SORCS3: variants seen among roughly 807,000 people sequenced by gnomAD.
SORCS3 encodes the protein sortilin related VPS10 domain containing receptor 3, also known as VPS10 domain-containing receptor SorCS3.
A neutral mutation model predicts 146.3 loss-of-function variants in SORCS3; 57 were observed. The observed-to-expected ratio is 0.39, with a 90% confidence interval of 0.31 to 0.49. The LOEUF (loss-of-function observed/expected upper bound fraction) is 0.49. SORCS3 is among the 20% of genes least tolerant of loss of function. The pLI, the probability that SORCS3 is intolerant of heterozygous loss-of-function variation, is 0.92. For missense variants in SORCS3, 1,341 were observed against 1,575.5 expected, an observed-to-expected ratio of 0.85 and a Z score of 2.52; for synonymous variants, 653 against 618.5, an observed-to-expected ratio of 1.06 and a Z score of -0.83.
chr10:105,186,655 G>C (rs1210699381), intron 14 of SORCS3, among the ~76,000 whole-genome samples: 1 of 151,998 alleles, frequency 6.6e-6, no homozygotes, highest in African/African-American at 2.4e-5. Context: ...GGCTGAGGTG[G>C]GCAGATCACC....
chr10:105,023,886 G>A (rs568360950), intron 4 of SORCS3, among the ~76,000 whole-genome samples: 1 of 152,148 alleles, frequency 6.6e-6, no homozygotes, highest in Non-Finnish European at 1.5e-5. Context: ...GGGATAGGAT[G>A]GTGGGGAGAC....
Position 105,075,305 on chromosome 10 carries a change from G to A in SORCS3, c.1029-14470G>A, listed in dbSNP as rs191887387. Among the ~76,000 whole-genome samples the A allele has an allele frequency of 4.6e-5, 7 of 152,302 alleles. No individual in the cohort carries two copies. The East Asian group carries it at 9.7e-4, about 21-fold the overall frequency. On this transcript the variant is annotated intron_variant, in intron 5 of 26. Transcript: ENST00000369701. ...GATCTTAAGTGACTCAGCTTTCTGA[G>A]TTTGCTCATCTGTGGAATGGGAGCA... is the stretch of plus-strand genomic sequence containing the variant.
chr10:105,249,053 T>C (rs945737340), intron 22 of SORCS3, among the ~76,000 whole-genome samples: 4 of 152,010 alleles, frequency 2.6e-5, no homozygotes, highest in Non-Finnish European at 2.9e-5. Flanking sequence ...TATAAGGTGC[T>C]CAAGAAAAAG....
chr10:104,799,175 C>G (rs536684341), intron 1 of SORCS3, among the ~76,000 whole-genome samples: 1 of 152,074 alleles, frequency 6.6e-6, no homozygotes, highest in Non-Finnish European at 1.5e-5. Context: ...ACCATTTGAC[C>G]CAGCAATCCC....
intron 3 of SORCS3, among the ~76,000 whole-genome samples, chr10:104,941,211 G>A (rs2019317171): frequency 6.6e-6 from 1 of 152,156 alleles, no homozygotes; most frequent in African/African-American, 2.4e-5. Flanking sequence ...TTTGTGACCT[G>A]TATCTTTGTG....
intron 14 of SORCS3, among the ~76,000 whole-genome samples, chr10:105,180,892 A>G (rs950087098): frequency 2.6e-5 from 4 of 152,138 alleles, no homozygotes. Context: ...CCCACGCTCT[A>G]TGTTATCTGG....
chr10:105,213,750 G>A (rs190562163), intron 17 of SORCS3, among the ~76,000 whole-genome samples: 12 of 152,166 alleles, frequency 7.9e-5, no homozygotes, highest in African/African-American at 2.2e-4. Context: ...TTCCCATGCC[G>A]ACCTCCTCTA....
intron 8 of SORCS3, among the ~76,000 whole-genome samples, chr10:105,143,990 C>T (rs1007928986): frequency 3.3e-5 from 5 of 152,106 alleles, no homozygotes; most frequent in African/African-American, 4.8e-5. Context: ...ACAATGCTTC[C>T]GCAATTAATT....
chr10:105,075,333 G>A (rs2055582153), intron 5 of SORCS3, among the ~76,000 whole-genome samples: 2 of 152,298 alleles, frequency 1.3e-5, no homozygotes, highest in East Asian at 1.9e-4. Flanking sequence ...TGGGAGCAAT[G>A]ATGTCTACCT....
chr10:105,105,674 A>C (rs2055815996), intron 7 of SORCS3, among the ~76,000 whole-genome samples, 159 bp downstream of exon 7: 1 of 152,140 alleles, frequency 6.6e-6, no homozygotes, highest in Non-Finnish European at 1.5e-5. Flanking sequence ...GAGAGCCCAG[A>C]CTTCTACTGG....
intron 5 of SORCS3, among the ~76,000 whole-genome samples, chr10:105,085,714 A>G (rs1564750176): frequency 6.6e-6 from 1 of 152,186 alleles, no homozygotes; most frequent in African/African-American, 2.4e-5. Flanking sequence ...GAACTAAGAA[A>G]TGGATTCAGA....
chr10:105,125,365 AT>A (rs1379192738), intron 7 of SORCS3, among the ~76,000 whole-genome samples: 4 of 152,164 alleles, frequency 2.6e-5, no homozygotes, highest in African/African-American at 9.7e-5. Context: ...TTTAATTGTT[AT>A]TACAGCTTAT....
chr10:104,880,739 C>T (rs1408186229), intron 2 of SORCS3, among the ~76,000 whole-genome samples: 1 of 152,144 alleles, frequency 6.6e-6, no homozygotes, highest in Non-Finnish European at 1.5e-5. Flanking sequence ...TGCTTTCCCT[C>T]ATCCTGACCC....
chr10:105,225,269 T>C (rs2056727488), intron 20 of SORCS3, among the ~76,000 whole-genome samples: 1 of 152,098 alleles, frequency 6.6e-6, no homozygotes. Flanking sequence ...AGGCATAAGG[T>C]TTATACCTAG....
intron 7 of SORCS3, among the ~76,000 whole-genome samples, chr10:105,109,979 T>TTCTA (rs2055848791): frequency 1.3e-5 from 2 of 152,058 alleles, no homozygotes; most frequent in South Asian, 2.1e-4. Flanking sequence ...TCTATTTCAG[T>TTCTA]TTTGTAGTTT....
At chr10:105,202,214 A>G (rs1409054582) in intron 16 of SORCS3, among the ~76,000 whole-genome samples, 1 of 152,076 alleles carries the variant, frequency 6.6e-6, no homozygotes, top group African/African-American at 2.4e-5. Flanking sequence ...GAATACTCCA[A>G]TATCTTCCCC....
chr10:105,034,498 A>C (rs948811188), intron 4 of SORCS3, among the ~76,000 whole-genome samples: 2 of 152,156 alleles, frequency 1.3e-5, no homozygotes, highest in Non-Finnish European at 2.9e-5. Flanking sequence ...CATCAGTGTT[A>C]GTATAAGCCA....
At chr10:105,252,065 G>A (rs373574953) in intron 22 of SORCS3, among the ~76,000 whole-genome samples, 1 of 152,110 alleles carries the variant, frequency 6.6e-6, no homozygotes, top group African/African-American at 2.4e-5. Flanking sequence ...GAATACTGGA[G>A]GTTTTCCCCT....
At chr10:105,135,999 T>G (rs1189340224) in intron 7 of SORCS3, among the ~76,000 whole-genome samples, 1 of 151,922 alleles carries the variant, frequency 6.6e-6, no homozygotes, top group East Asian at 1.9e-4. Flanking sequence ...CAATATAGGG[T>G]TTTTTTTCTA....
Sources: allele counts gnomAD v4.1 joint callset (sites outside exome capture counted in the v4.1 genomes callset), GRCh38; gene constraint gnomAD v4.1.1; transcripts MANE v1.5; gene names NCBI Gene and HGNC (gene_info 2026-07-23, HGNC 2026-07-21).